Variants in F2RL2 observed in about 807,000 individuals in gnomAD.
F2RL2 encodes the protein proteinase-activated receptor 3.
A neutral mutation model predicts 4.3 loss-of-function variants in F2RL2; 4 were observed. That is an observed-to-expected ratio of 0.93 (90% CI 0.46 to 2.12). F2RL2 has a LOEUF of 2.12. Ranked by LOEUF, F2RL2 falls within the 30% of genes most tolerant of loss-of-function variation. F2RL2 has a pLI of 0.02. For synonymous variants in F2RL2, 166 were observed against 170.9 expected, an observed-to-expected ratio of 0.97 and a Z score of 0.22; for missense variants, 408 against 449.3, an observed-to-expected ratio of 0.91 and a Z score of 0.83.
intron 1 of F2RL2, among the ~76,000 whole-genome samples, chr5:76,619,668 C>A (rs1212752925): frequency 6.6e-6 from 1 of 152,036 alleles, no homozygotes; most frequent in Non-Finnish European, 1.5e-5. Context: ...AAGCGCCCGC[C>A]ACCAGGCCTG....
intron 1 of F2RL2, among the ~76,000 whole-genome samples, chr5:76,619,906 G>T (rs1426561308): frequency 2.6e-5 from 4 of 152,114 alleles, no homozygotes. Flanking sequence ...AGGTAAGAGG[G>T]TTGTCAAAGT....
intron 1 of F2RL2, among the ~76,000 whole-genome samples, chr5:76,620,117 A>G (rs969079869): frequency 6.6e-6 from 1 of 150,764 alleles, no homozygotes; most frequent in Non-Finnish European, 1.5e-5. Context: ...ATTTTAAGCC[A>G]CTCAGTTTGT....
chr5:76,622,689 G>C (rs1749818631), intron 1 of F2RL2, among the ~76,000 whole-genome samples: 1 of 152,144 alleles, frequency 6.6e-6, no homozygotes, highest in East Asian at 1.9e-4. Flanking sequence ...AGTCAAAAAA[G>C]GTCATTCATT....
In F2RL2 at chr5:76,618,078, G is replaced by A; in HGVS notation, c.629C>T (p.Ala210Val). The change falls in exon 2 of 2, where the codon GCC (alanine) becomes GTC (valine). Residue 210 changes from alanine to valine, a missense_variant. Transcript: ENST00000296641. ...CCACACCAGTCCACATGTTACCAAG[G>A]CATAGGTGTGCTTGGGCAGGCCCCG... is the stretch of plus-strand genomic sequence containing the variant. ...TYRGLPKHTYALVTCGLVWAT... is the reference protein window; with the variant it reads ...TYRGLPKHTYVLVTCGLVWAT... The A allele has an allele frequency of 6.2e-7, 1 of 1,614,140 alleles. No individual in the cohort carries two copies. Among genetic ancestry groups the A allele is most frequent in the Non-Finnish European group, 8.5e-7 (1 of 1,180,026 alleles).
rs199669532 is a variant in F2RL2 at position 76,617,645 on chromosome 5, A to T, written c.1062T>A (p.Asp354Glu). 6.6e-5 allele frequency: 106 copies of T among 1,613,952 alleles called. No individual in the cohort carries two copies. The highest frequency in any genetic ancestry group is 9.0e-5 in the Non-Finnish European group (106 of 1,180,014). Residue 354 changes from aspartate (D) to glutamate (E), a missense_variant, in exon 2 of 2, where the codon GAT becomes GAA. Coordinates refer to ENST00000296641, the MANE Select transcript of F2RL2 (RefSeq NM_004101.4). Reference sequence around the variant, plus strand: ...TTGACATGAGAAAATAAAGGAATGGATCTAAGCAACTATTAAGACTACCCA... The same window carrying T: ...TTGACATGAGAAAATAAAGGAATGGTTCTAAGCAACTATTAAGACTACCCA... ...LCLGSLNSCL[D>E]PFLYFLMSKT...
At chr5:76,619,280 GAA>G (rs1749351418) in intron 1 of F2RL2, among the ~76,000 whole-genome samples, 1 of 152,146 alleles carries the variant, frequency 6.6e-6, no homozygotes, top group Admixed American at 6.5e-5. Flanking sequence ...AAAGGAAATT[GAA>G]AGAGTGGGTG....
At position 76,615,737 on chromosome 5, in the gene F2RL2, A is replaced by G. The variant is rs1321246445; in HGVS notation, c.*1845T>C. On this transcript the variant is annotated 3_prime_UTR_variant, in exon 2 of 2. Transcript: ENST00000296641. ...TCACTGAGTTAAGGGAAAAATAGTC[A>G]TTTACTTACAGGAATATAATGGGTA... The G allele has an allele frequency of 1.4e-5, 2 of 139,980 alleles. No homozygotes were observed. The highest frequency in any genetic ancestry group is 3.3e-5 in the Non-Finnish European group (2 of 61,314). The allele number at this position is 139,980 out of a possible 1,614,324, so 8.7% of individuals were successfully genotyped here.
chr5:76,623,252 T>A lies in F2RL2; in HGVS notation c.-22A>T. 6.2e-7 allele frequency: 1 copy of A among 1,613,634 alleles called. No homozygotes were observed. Among genetic ancestry groups the A allele is most frequent in the African/African-American group, 1.3e-5 (1 of 75,028 alleles). ...TCATTTTGATGACCTGAGTCCCGTC[T>A]CTTAAACGTTATGAAATCTGTAAAA... On this transcript the variant is annotated 5_prime_UTR_variant, in exon 1 of 2. Transcript: ENST00000296641.
At position 76,623,384 on chromosome 5, in the gene F2RL2, C is replaced by G. The variant is rs1749905433; in HGVS notation, c.-154G>C. 1 of 767,772 alleles carries G rather than the reference C, an allele frequency of 1.3e-6. No homozygotes were observed. Among genetic ancestry groups the G allele is most frequent in the Non-Finnish European group, 2.1e-6 (1 of 475,576 alleles). 47.6% of individuals were successfully genotyped at this position (767,772 alleles called of 1,614,324 possible). A position where few individuals can be genotyped will look rare whatever the true frequency, so the allele number is the denominator to read the frequency against. Reference sequence around the variant, plus strand: ...GTGCCGTGCAGGCAGGAAACTTGCCCTGGTCCTCCGCAGGGAAAGGATGTA... The same window carrying G: ...GTGCCGTGCAGGCAGGAAACTTGCCGTGGTCCTCCGCAGGGAAAGGATGTA... On this transcript the variant is annotated 5_prime_UTR_variant, in exon 1 of 2. Transcript: ENST00000296641.
chr5:76,618,387 A>G lies in F2RL2; in HGVS notation c.320T>C (p.Val107Ala), dbSNP rs780515349. 3.1e-6 allele frequency: 5 copies of G among 1,614,112 alleles called. No homozygotes were observed. The African/African-American group carries it at 4.0e-5, about 13-fold the overall frequency. The part of the protein sequence containing the change: ...IPAIYLLVFV[V>A]GVPANAVTLW... ...GGTCACAGCATTGGCCGGGACACCAACTACAAACACCAGGAGGTAGATGGC... is the reference window on the plus strand; with the variant it reads ...GGTCACAGCATTGGCCGGGACACCAGCTACAAACACCAGGAGGTAGATGGC... Residue 107 changes from valine to alanine, a missense_variant, in exon 2 of 2, where the codon GTT (valine) becomes GCT (alanine). By Grantham distance (64) the Val-to-Ala change is moderately conservative. Transcript: ENST00000296641.
At position 76,617,584 on chromosome 5, in the gene F2RL2, A is replaced by C. The variant is rs542832114; in HGVS notation, c.1123T>G (p.Ter375GluextTer1). The C allele has an allele frequency of 2.2e-5, 36 of 1,604,016 alleles. No individual in the cohort carries two copies. In the Admixed American group the frequency reaches 3.3e-4, roughly 15 times the overall value. Residue 375 changes from the stop codon to glutamate (E), a stop_lost, in exon 2 of 2, where the codon TAG becomes GAG. Coordinates refer to ENST00000296641, the MANE Select transcript of F2RL2 (RefSeq NM_004101.4). ...CCTTGTTCTCTAAGATCATTTCACTATTTTGTAAGGTAAGCAGTGGAGTGA... is the reference window on the plus strand; with the variant it reads ...CCTTGTTCTCTAAGATCATTTCACTCTTTTGTAAGGTAAGCAGTGGAGTGA... ...RNHSTAYLTK[*>E]
At chr5:76,619,778 A>C (rs1376634136) in intron 1 of F2RL2, among the ~76,000 whole-genome samples, 1 of 152,052 alleles carries the variant, frequency 6.6e-6, no homozygotes, top group Non-Finnish European at 1.5e-5. Context: ...TCGGCCACCC[A>C]AAGTGCTGGG....
At chr5:76,620,417 C>G (rs978903228) in intron 1 of F2RL2, among the ~76,000 whole-genome samples, 2 of 152,004 alleles carry the variant, frequency 1.3e-5, no homozygotes, top group African/African-American at 4.8e-5. Context: ...GCAATAATGA[C>G]TCAGGTTTCT....
intron 1 of F2RL2, among the ~76,000 whole-genome samples, 192 bp from the exon 2 acceptor site, chr5:76,618,834 G>C (rs1369576262): frequency 2.6e-5 from 4 of 152,152 alleles, no homozygotes; most frequent in Non-Finnish European, 5.9e-5. Context: ...ACTATCTTGT[G>C]CGGAAACAAA....
chr5:76,619,545 C>A (rs1447179876), intron 1 of F2RL2, among the ~76,000 whole-genome samples: 2 of 124,004 alleles, frequency 1.6e-5, no homozygotes, highest in African/African-American at 6.4e-5. Context: ...TTGAGACAGT[C>A]TCACTCTGTC....
chr5:76,623,041 A>G (rs1408192532), intron 1 of F2RL2, 126 bp downstream of exon 1: 3 of 814,518 alleles, frequency 3.7e-6, no homozygotes, highest in Non-Finnish European at 6.2e-6. Flanking sequence ...ACCTTTTAAT[A>G]ATAAAGATCA....
chr5:76,618,059 C>T lies in F2RL2; in HGVS notation c.648G>A (p.Leu216=), dbSNP rs1408897690. The change falls in exon 2 of 2, where the codon CTG becomes CTA. Residue 216 remains leucine, a synonymous_variant. Transcript: ENST00000296641. ...KHTYALVTCG[L]VWATVFLYML... ...TATATAAGAAAACTGTTGCCCACAC[C>T]AGTCCACATGTTACCAAGGCATAGG... is the stretch of plus-strand genomic sequence containing the variant. 6.2e-7 allele frequency: 1 copy of T among 1,614,004 alleles called. No homozygotes were observed. The highest frequency in any genetic ancestry group is 1.7e-5 in the Admixed American group (1 of 60,008).
Position 76,617,691 on chromosome 5 carries a change from A to G in F2RL2, c.1016T>C (p.Ile339Thr), listed in dbSNP as rs777973383. 15 of 1,614,008 alleles carry G rather than the reference A, an allele frequency of 9.3e-6. No homozygotes were observed. The South Asian group carries it at 1.4e-4, about 15-fold the overall frequency. ...YYNNTDGLYF[I>T]YLIALCLGSL... ...ACCCAGGCACAAAGCTATGAGATAT[A>G]TAAAATATAAGCCATCAGTGTTGTT... is the stretch of plus-strand genomic sequence containing the variant. Residue 339 changes from isoleucine to threonine, a missense_variant, in exon 2 of 2, where the codon ATA becomes ACA. Ile to Thr is a moderately conservative substitution (Grantham distance 89). Transcript: ENST00000296641.
In F2RL2 at chr5:76,618,278, A is replaced by T. The variant is rs754602911; in HGVS notation, c.429T>A (p.Cys143Ter). ...AAGCTATCTTAAAGGGCAATGTAAC[A>T]CAAAAAAGAAAATCTGCAATGGCCA... ...TNLAIADFLFCVTLPFKIAYH... is the reference protein window; with the variant it reads ...TNLAIADFLF The change falls in exon 2 of 2, where the codon TGT becomes TGA. Residue 143 changes from cysteine (C) to a stop codon, truncating the protein, a stop_gained. Transcript: ENST00000296641. LOFTEE classifies it low-confidence loss of function (END_TRUNC). 79 of 1,614,124 alleles carry T rather than the reference A, an allele frequency of 4.9e-5. No homozygotes were observed. Among genetic ancestry groups the T allele is most frequent in the Non-Finnish European group, 6.6e-5 (78 of 1,180,038 alleles).
Sources: gnomAD v4.1 joint callset for allele counts (sites outside exome capture counted in the v4.1 genomes callset) on GRCh38, gnomAD v4.1.1 for gene constraint, MANE v1.5 for transcripts, NCBI Gene and HGNC (gene_info 2026-07-23, HGNC 2026-07-21) for gene names.